Variants in SLCO6A1 observed in about 807,000 individuals in gnomAD.
The protein encoded by SLCO6A1 is solute carrier organic anion transporter family member 6A1, also known as cancer/testis antigen 48.
A neutral mutation model predicts 72.7 loss-of-function variants in SLCO6A1; 65 were observed. The observed-to-expected ratio is 0.89, with a 90% CI of 0.73 to 1.10. The LOEUF (loss-of-function observed/expected upper bound fraction) is 1.10, where lower values mean the gene tolerates loss of function less well. Among genes scored for constraint, SLCO6A1 ranks in the 50% least tolerant of loss-of-function variants. The pLI is 0.00. For missense variants in SLCO6A1, 874 were observed against 872.6 expected, an observed-to-expected ratio of 1.00 and a Z score of -0.02; for synonymous variants, 314 against 298.2, an observed-to-expected ratio of 1.05 and a Z score of -0.55.
At position 102,446,807 on chromosome 5, in the gene SLCO6A1, T is replaced by G. The variant is rs143305784; in HGVS notation, c.1132-8046A>C. 6.9e-3 allele frequency among the ~76,000 whole-genome samples: 1,053 copies of G among 152,254 alleles called. 8 individuals carry two copies. The highest frequency in any genetic ancestry group is 0.021 in the African/African-American group (868 of 41,550). On this transcript the variant is annotated intron_variant, in intron 6 of 13. Transcript: ENST00000506729. The stretch of plus-strand genomic sequence containing the variant: ...ACTCACTCTGTCGCCCAGGCTGGAG[T>G]GCAGTGGAGCGATCTCGGCTCACCG...
intron 13 of SLCO6A1, among the ~76,000 whole-genome samples, chr5:102,373,117 TTCAA>T (rs1316730741): frequency 6.6e-6 from 1 of 151,928 alleles, no homozygotes; most frequent in African/African-American, 2.4e-5. Context: ...CTCAATCTCT[TTCAA>T]TCAAAGTATT....
chr5:102,491,304 G>C (rs1752664546), intron 1 of SLCO6A1, among the ~76,000 whole-genome samples: 1 of 152,260 alleles, frequency 6.6e-6, no homozygotes. Context: ...GTTCCCACCA[G>C]ACTCAGGAGC....
At chr5:102,393,008 A>G (rs1746853258) in intron 10 of SLCO6A1, among the ~76,000 whole-genome samples, 2 of 152,230 alleles carry the variant, frequency 1.3e-5, no homozygotes, top group East Asian at 1.9e-4. Flanking sequence ...TTTCAAAATG[A>G]CCTTTTTTTC....
intron 6 of SLCO6A1, among the ~76,000 whole-genome samples, chr5:102,450,186 G>A (rs1317502813): frequency 6.6e-6 from 1 of 152,174 alleles, no homozygotes; most frequent in Non-Finnish European, 1.5e-5. Flanking sequence ...AGGTTGTTTG[G>A]AAGTAAAAAG....
intron 6 of SLCO6A1, among the ~76,000 whole-genome samples, chr5:102,443,196 C>CA (rs1052983614): frequency 6.6e-6 from 1 of 151,570 alleles, no homozygotes; most frequent in African/African-American, 2.4e-5. Flanking sequence ...GACTCCATCT[C>CA]AAAAAAAGAC....
chr5:102,402,538 T>C (rs971165469), intron 9 of SLCO6A1, among the ~76,000 whole-genome samples: 4 of 152,156 alleles, frequency 2.6e-5, no homozygotes, highest in Non-Finnish European at 5.9e-5. Context: ...TTATTTCTCA[T>C]AATTCTGAAG....
intron 12 of SLCO6A1, among the ~76,000 whole-genome samples, chr5:102,374,906 C>A (rs906765387): frequency 3.3e-5 from 5 of 152,094 alleles, no homozygotes; most frequent in African/African-American, 7.2e-5. Flanking sequence ...AGATTAAAAT[C>A]TTCTGTTTAA....
intron 12 of SLCO6A1, among the ~76,000 whole-genome samples, chr5:102,381,466 T>C (rs1746101610): frequency 1.3e-5 from 2 of 151,788 alleles, no homozygotes; most frequent in Non-Finnish European, 3.0e-5. Flanking sequence ...TTCCATTGTC[T>C]ATTTATCTGT....
intron 1 of SLCO6A1, among the ~76,000 whole-genome samples, chr5:102,483,057 G>A (rs1476565754): frequency 6.6e-6 from 1 of 152,098 alleles, no homozygotes; most frequent in Non-Finnish European, 1.5e-5. Context: ...TGATGTAATT[G>A]TCACTATAAA....
chr5:102,461,544 T>C (rs1193514820), intron 4 of SLCO6A1, among the ~76,000 whole-genome samples: 5 of 152,090 alleles, frequency 3.3e-5, no homozygotes, highest in African/African-American at 9.7e-5. Context: ...AACTAAAATA[T>C]TGTAATATTG....
At chr5:102,425,419 A>G (rs944587710) in intron 7 of SLCO6A1, among the ~76,000 whole-genome samples, 1 of 152,218 alleles carries the variant, frequency 6.6e-6, no homozygotes, top group Non-Finnish European at 1.5e-5. Flanking sequence ...AACTTTGGCA[A>G]AGTCTCAGGA....
chr5:102,455,116 T>G (rs1043478938), intron 6 of SLCO6A1, among the ~76,000 whole-genome samples: 2 of 149,996 alleles, frequency 1.3e-5, no homozygotes, highest in Non-Finnish European at 3.0e-5. Context: ...TGACAAAGAG[T>G]TTTTTTATAA....
intron 12 of SLCO6A1, among the ~76,000 whole-genome samples, chr5:102,382,245 A>T (rs1746150736): frequency 6.6e-6 from 1 of 151,716 alleles, no homozygotes; most frequent in African/African-American, 2.4e-5. Flanking sequence ...TTTATTGAAA[A>T]GACTGTCCCA....
intron 8 of SLCO6A1, among the ~76,000 whole-genome samples, chr5:102,419,061 G>T (rs183347723): frequency 7.2e-4 from 109 of 151,944 alleles, no homozygotes; most frequent in Non-Finnish European, 1.2e-3. Flanking sequence ...TTCTCAGCTT[G>T]TTGCCAATGT....
chr5:102,464,085 T>A (rs887867654), intron 4 of SLCO6A1, among the ~76,000 whole-genome samples: 4 of 151,858 alleles, frequency 2.6e-5, no homozygotes, highest in Non-Finnish European at 5.9e-5. Context: ...ACACATTGCG[T>A]ACAGTGTACA....
chr5:102,386,057 C>T (rs188634668), intron 12 of SLCO6A1, among the ~76,000 whole-genome samples: 121 of 152,214 alleles, frequency 7.9e-4, no homozygotes, highest in Middle Eastern at 6.8e-3. Flanking sequence ...ATTTGTAATC[C>T]TTGTGCCCAG....
intron 9 of SLCO6A1, among the ~76,000 whole-genome samples, chr5:102,407,143 T>C (rs898155655): frequency 2.0e-5 from 3 of 152,164 alleles, no homozygotes; most frequent in African/African-American, 7.2e-5. Context: ...GTGAAGCAGC[T>C]TTCCATGACA....
chr5:102,392,882 A>G (rs988398958), intron 10 of SLCO6A1, among the ~76,000 whole-genome samples: 1 of 152,142 alleles, frequency 6.6e-6, no homozygotes, highest in Non-Finnish European at 1.5e-5. Flanking sequence ...GGTTCTAAAT[A>G]TAAGTTGCTG....
intron 6 of SLCO6A1, among the ~76,000 whole-genome samples, chr5:102,452,060 T>C (rs1383260745): frequency 1.3e-5 from 2 of 152,254 alleles, no homozygotes; most frequent in Non-Finnish European, 2.9e-5. Context: ...TTAACAGTCA[T>C]ATAGCAATAA....
Sources: gnomAD v4.1 joint callset for allele counts (sites outside exome capture counted in the v4.1 genomes callset) on GRCh38, gnomAD v4.1.1 for gene constraint, MANE v1.5 for transcripts, NCBI Gene and HGNC (gene_info 2026-07-23, HGNC 2026-07-21) for gene names.